The following SP100 variants were observed in gnomAD, a reference collection of about 807,000 sequenced individuals.
SP100 encodes SP100 nuclear body protein.
In SP100, 84 loss-of-function variants were observed where a neutral mutation model predicts 130.0. The ratio of observed to expected loss-of-function variants is 0.65; its 90% CI spans 0.54 to 0.77. SP100 has a LOEUF of 0.77. Among genes scored for constraint, SP100 ranks in the 30% least tolerant of loss-of-function variants. The pLI, the probability that SP100 is intolerant of heterozygous loss-of-function variation, is 0.00. For synonymous variants in SP100, 331 were observed against 351.7 expected (o/e 0.94, Z 0.66); for missense variants, 978 against 1,052.2 (o/e 0.93, Z 0.97).
rs145760487 is a variant in SP100, at chr2:230,470,894, CTG to C, written c.1429+814_1429+815del. Reference sequence around the variant, plus strand: ...TGCAAGAAAGCTTATTTAACAACCACTGTGTGTGTGTGTGTGTGTACACATGC... The same window carrying C: ...TGCAAGAAAGCTTATTTAACAACCACTGTGTGTGTGTGTGTGTACACATGC... On this transcript the variant is annotated intron_variant, in intron 15 of 28. Coordinates refer to ENST00000340126, the MANE Select transcript of SP100 (RefSeq NM_001080391.2). Among the ~76,000 whole-genome samples the C allele has an allele frequency of 4.5e-4, 67 of 149,360 alleles. No individual in the cohort carries two copies. The East Asian group carries it at 4.9e-3, about 11-fold the overall frequency.
chr2:230,473,372 G>A lies in SP100; in HGVS notation c.1478G>A (p.Cys493Tyr), dbSNP rs769146014. The A allele has an allele frequency of 9.3e-6, 15 of 1,613,912 alleles. No individual in the cohort carries two copies. In the African/African-American group the frequency reaches 1.9e-4, roughly 20 times the overall value. Residue 493 changes from cysteine to tyrosine, a missense_variant, in exon 16 of 29, where the codon TGT (cysteine) becomes TAT (tyrosine). Coordinates refer to ENST00000340126, the MANE Select transcript of SP100 (RefSeq NM_001080391.2). ...AATAAGAAGTGCTCCTGTGTCATGT[G>A]TTTTCCAAAAGGTGTGCCAAGAAGC... ...PENKKCSCVM[C>Y]FPKGVPRSQE...
intron 24 of SP100, among the ~76,000 whole-genome samples, chr2:230,529,302 C>A (rs576211188): frequency 2.0e-5 from 3 of 152,144 alleles, no homozygotes; most frequent in Non-Finnish European, 4.4e-5. Flanking sequence ...TAACCCATCA[C>A]GTAAACAGAA....
intron 2 of SP100, 113 bp downstream of exon 2, chr2:230,417,778 T>C (rs1342102603): frequency 1.4e-6 from 2 of 1,451,214 alleles, no homozygotes; most frequent in African/African-American, 2.9e-5. Context: ...ATAAATTGCT[T>C]GTTTGTTTTT....
chr2:230,506,229 A>G, intron 21 of SP100, 74 bp from the exon 22 acceptor site: 7 of 1,551,966 alleles, frequency 4.5e-6, no homozygotes, highest in Non-Finnish European at 6.2e-6. Flanking sequence ...GGGTGGCCCC[A>G]GACCCCAGCA....
intron 2 of SP100, among the ~76,000 whole-genome samples, chr2:230,432,372 T>C (rs2063125204): frequency 6.6e-6 from 1 of 152,208 alleles, no homozygotes; most frequent in South Asian, 2.1e-4. Flanking sequence ...TTTGTGTGGA[T>C]ATACATGTTC....
chr2:230,504,146 TA>T (rs765594044), intron 20 of SP100, 39 bp from the exon 21 acceptor site: 1 of 1,169,644 alleles, frequency 8.5e-7, no homozygotes, highest in Non-Finnish European at 1.3e-6. Context: ...TGCACAGTTG[TA>T]AAAGTAGATG....
intron 24 of SP100, among the ~76,000 whole-genome samples, chr2:230,512,200 C>T (rs1453959605): frequency 6.7e-6 from 1 of 149,870 alleles, no homozygotes; most frequent in Middle Eastern, 3.3e-3. Context: ...TTCTTAAAAG[C>T]CAAATGTGAG....
intron 19 of SP100, among the ~76,000 whole-genome samples, chr2:230,502,507 T>C (rs1289516094): frequency 6.6e-6 from 1 of 152,194 alleles, no homozygotes; most frequent in African/African-American, 2.4e-5. Flanking sequence ...ATAGTACTAG[T>C]GCCTATTTAA....
intron 17 of SP100, among the ~76,000 whole-genome samples, chr2:230,481,553 T>C (rs1221347415): frequency 6.6e-6 from 1 of 152,234 alleles, no homozygotes; most frequent in Non-Finnish European, 1.5e-5. Context: ...GCATGTGGAA[T>C]ACCGCAGAGT....
intron 24 of SP100, among the ~76,000 whole-genome samples, chr2:230,529,376 G>C (rs1691590218): frequency 6.6e-6 from 1 of 152,048 alleles, no homozygotes; most frequent in Admixed American, 6.6e-5. Flanking sequence ...AAAATTCAAC[G>C]CCTTTCATGC....
chr2:230,524,358 A>G (rs1374635738), intron 24 of SP100, among the ~76,000 whole-genome samples: 2 of 147,806 alleles, frequency 1.4e-5, no homozygotes, highest in Non-Finnish European at 3.0e-5. Context: ...TTCCATCTCA[A>G]AAAAAAAAAA....
intron 15 of SP100, chr2:230,470,361 T>C: frequency 9.0e-7 from 1 of 1,113,584 alleles, no homozygotes. Flanking sequence ...ATTTGTGGTA[T>C]TCTTTTTTTT....
chr2:230,460,918 C>G lies in SP100; in HGVS notation c.821-344C>G, dbSNP rs557155064. On this transcript the variant is annotated intron_variant, in intron 8 of 28. Transcript: ENST00000340126. ...GATTACAGGCGTGAGCCACCGCGCCCGGCCGGTAATCTGTTTCTTGATCAA... is the reference window on the plus strand; with the variant it reads ...GATTACAGGCGTGAGCCACCGCGCCGGGCCGGTAATCTGTTTCTTGATCAA... Among the ~76,000 whole-genome samples, 4 of 21,250 alleles carry G rather than the reference C, an allele frequency of 1.9e-4. 2 individuals are homozygous for G. Among genetic ancestry groups the G allele is most frequent in the African/African-American group, 1.8e-3 (4 of 2,180 alleles). 13.9% of individuals were successfully genotyped at this position (21,250 alleles called of 152,430 possible).
At chr2:230,501,634 G>T (rs1350214636) in intron 19 of SP100, among the ~76,000 whole-genome samples, 1 of 146,552 alleles carries the variant, frequency 6.8e-6, no homozygotes. Context: ...AAAGGAAGGA[G>T]CATTCACAAT....
chr2:230,523,628 G>C lies in SP100; in HGVS notation c.2094+12462G>C, dbSNP rs752621619. On this transcript the variant is annotated intron_variant, in intron 24 of 28. Coordinates refer to ENST00000340126, the MANE Select transcript of SP100 (RefSeq NM_001080391.2). ...GGCTTTACAATTATTGGTAAAATAG[G>C]CTGGATGTGGTTGCTCACACCTGTT... Among the ~76,000 whole-genome samples the C allele has an allele frequency of 3.3e-4, 50 of 152,236 alleles. No homozygotes were observed. The Middle Eastern group carries it at 0.017, about 52-fold the overall frequency.
At chr2:230,447,983 G>A (rs566789517) in intron 5 of SP100, among the ~76,000 whole-genome samples, 2 of 152,198 alleles carry the variant, frequency 1.3e-5, no homozygotes, top group African/African-American at 2.4e-5. Context: ...AGGTGTGGTC[G>A]AAAAGGGGTT....
intron 27 of SP100, 32 bp downstream of exon 27, chr2:230,541,404 T>C (rs370270507): frequency 5.1e-5 from 79 of 1,556,412 alleles, no homozygotes; most frequent in Non-Finnish European, 5.3e-6. Flanking sequence ...ATGCTTATAC[T>C]GGCATTTGTC....
At chr2:230,444,391 T>G (rs1456586592) in intron 4 of SP100, 45 bp downstream of exon 4, 16 of 1,510,658 alleles carry the variant, frequency 1.1e-5, no homozygotes, top group Non-Finnish European at 1.5e-5. Flanking sequence ...GGGCCAAGTT[T>G]TTTCAATAAG....
At chr2:230,506,133 A>T (rs372095106) in intron 21 of SP100, among the ~76,000 whole-genome samples, 170 bp from the exon 22 acceptor site, 2 of 152,302 alleles carry the variant, frequency 1.3e-5, no homozygotes, top group South Asian at 4.1e-4. Flanking sequence ...AGAACCCTTC[A>T]TCTCTGTTCC....
Sources: allele counts gnomAD v4.1 joint callset (sites outside exome capture counted in the v4.1 genomes callset), GRCh38; gene constraint gnomAD v4.1.1; transcripts MANE v1.5; gene names NCBI Gene and HGNC (gene_info 2026-07-23, HGNC 2026-07-21).